Variants in GRIN2A observed in about 807,000 individuals in gnomAD.
The protein encoded by GRIN2A is glutamate ionotropic receptor NMDA type subunit 2A.
A neutral mutation model predicts 113.4 loss-of-function variants in GRIN2A; 22 were observed. The observed-to-expected ratio is 0.19, with a 90% CI of 0.14 to 0.28. The LOEUF (loss-of-function observed/expected upper bound fraction) is 0.28. GRIN2A is among the 10% of genes least tolerant of loss of function. GRIN2A has a pLI of 1.00. For missense variants in GRIN2A, 1,502 were observed against 1,887.0 expected (o/e 0.80, Z 3.78); for synonymous variants, 827 against 738.4 (o/e 1.12, Z -1.94).
chr16:10,015,772 C>T (rs764153529), intron 2 of GRIN2A, among the ~76,000 whole-genome samples: 1 of 152,130 alleles, frequency 6.6e-6, no homozygotes, highest in Non-Finnish European at 1.5e-5. Context: ...ACAACTCAGC[C>T]CCTGCAATGA....
At chr16:9,854,662 T>G (rs2042938295) in intron 4 of GRIN2A, among the ~76,000 whole-genome samples, 1 of 152,094 alleles carries the variant, frequency 6.6e-6, no homozygotes, top group Non-Finnish European at 1.5e-5. Flanking sequence ...TTTTTCCTGT[T>G]CCCAATCCTC....
intron 2 of GRIN2A, among the ~76,000 whole-genome samples, chr16:10,096,260 C>G (rs2048286898): frequency 6.6e-6 from 1 of 152,116 alleles, no homozygotes; most frequent in Non-Finnish European, 1.5e-5. Flanking sequence ...TAGTGACATT[C>G]TGACATTCTC....
At chr16:10,126,840 A>G (rs117863775) in intron 2 of GRIN2A, among the ~76,000 whole-genome samples, 2,200 of 152,260 alleles carry the variant, frequency 0.014, 26 homozygotes, top group Middle Eastern at 0.02. Context: ...TGTCTCAGAA[A>G]TCCTTCTGCT....
chr16:10,143,803 A>G (rs1666863), intron 2 of GRIN2A, among the ~76,000 whole-genome samples: 143,663 of 151,766 alleles, frequency 0.95, 68,379 homozygotes, highest in East Asian at 1. Context: ...CATCTCTACT[A>G]AAAAACACAA....
At chr16:10,117,834 G>A (rs551095319) in intron 2 of GRIN2A, among the ~76,000 whole-genome samples, 5 of 152,302 alleles carry the variant, frequency 3.3e-5, no homozygotes, top group South Asian at 2.1e-4. Flanking sequence ...GAAATATAGT[G>A]GACATAGAAT....
chr16:9,904,456 C>T (rs1157407860), intron 3 of GRIN2A, among the ~76,000 whole-genome samples: 2 of 152,176 alleles, frequency 1.3e-5, no homozygotes, highest in African/African-American at 2.4e-5. Context: ...ACTGCAACCT[C>T]CACCTCCCGG....
intron 2 of GRIN2A, among the ~76,000 whole-genome samples, chr16:10,158,644 T>A (rs1249476282): frequency 6.6e-6 from 1 of 152,146 alleles, no homozygotes; most frequent in African/African-American, 2.4e-5. Context: ...TTGAAAACAT[T>A]ATGCTAAGTG....
Position 9,764,028 on chromosome 16 carries a change from C to A in GRIN2A, c.3516G>T (p.Leu1172Phe), listed in dbSNP as rs746944419. The part of the protein sequence containing the change: ...DSTLPMNRNP[L>F]HNEEGLSNND... ...TGTTGGAAAGCCCCTCTTCATTATG[C>A]AAGGGGTTCCGGTTCATTGGCAGCG... The change falls in exon 13 of 13, where the codon TTG becomes TTT. Residue 1172 changes from leucine to phenylalanine, a missense_variant. Physicochemically the swap from Leu to Phe is conservative, Grantham distance 22. Around this residue, in one of 7 missense-constraint regions of GRIN2A, gnomAD observed 832 missense variants for 789.7 expected, o/e 1.05. Coordinates refer to ENST00000330684, the MANE Select transcript of GRIN2A (RefSeq NM_001134407.3). The A allele has an allele frequency of 6.2e-7, 1 of 1,614,078 alleles. No individual in the cohort carries two copies. The highest frequency in any genetic ancestry group is 2.2e-5 in the East Asian group (1 of 44,860).
At chr16:10,168,630 C>T (rs546464270) in intron 2 of GRIN2A, among the ~76,000 whole-genome samples, 2 of 152,240 alleles carry the variant, frequency 1.3e-5, no homozygotes, top group African/African-American at 4.8e-5. Flanking sequence ...GACCTAATTG[C>T]CGAAGCTTAT....
At chr16:9,930,466 C>G (rs546898367) in intron 3 of GRIN2A, among the ~76,000 whole-genome samples, 1 of 152,214 alleles carries the variant, frequency 6.6e-6, no homozygotes, top group African/African-American at 2.4e-5. Context: ...TCTGGATTCT[C>G]TCACCTCGTA....
At chr16:9,995,541 G>A (rs568953067) in intron 2 of GRIN2A, among the ~76,000 whole-genome samples, 3 of 152,100 alleles carry the variant, frequency 2.0e-5, no homozygotes, top group Non-Finnish European at 4.4e-5. Context: ...TTCCAAGGAG[G>A]GCTTGGGTAC....
At chr16:9,843,204 TC>T (rs535028911) in intron 5 of GRIN2A, among the ~76,000 whole-genome samples, 26 of 151,556 alleles carry the variant, frequency 1.7e-4, no homozygotes, top group African/African-American at 6.1e-4. Context: ...TTAGGGTTTT[TC>T]CCCAAATTAT....
chr16:9,815,102 C>T (rs2042161025), intron 10 of GRIN2A, among the ~76,000 whole-genome samples: 1 of 151,518 alleles, frequency 6.6e-6, no homozygotes, highest in African/African-American at 2.4e-5. Flanking sequence ...ATTCAGTGCT[C>T]ATTTGTTTTT....
In GRIN2A at chr16:9,758,595, G is replaced by C. The variant is rs751582897; in HGVS notation, c.*4554C>G. 9.6e-6 allele frequency: 2 copies of C among 209,268 alleles called. No individual in the cohort carries two copies. The highest frequency in any genetic ancestry group is 1.9e-5 in the Non-Finnish European group (2 of 102,938). 13.0% of individuals were successfully genotyped at this position (209,268 alleles called of 1,614,324 possible). A position where few individuals can be genotyped will look rare whatever the true frequency, so the allele number is the denominator to read the frequency against. On this transcript the variant is annotated 3_prime_UTR_variant, in exon 13 of 13. Transcript: ENST00000330684. ...AATTTTATTTGGATAATACACTTAC[G>C]TGTGAATTGTAGAAATCAAGCATGT...
intron 2 of GRIN2A, among the ~76,000 whole-genome samples, chr16:9,960,363 G>T (rs1284910055): frequency 2.0e-5 from 3 of 152,162 alleles, no homozygotes; most frequent in African/African-American, 4.8e-5. Flanking sequence ...AATGCAAAAA[G>T]ATAATACACC....
At chr16:10,151,861 G>T (rs1441656176) in intron 2 of GRIN2A, among the ~76,000 whole-genome samples, 1 of 152,200 alleles carries the variant, frequency 6.6e-6, no homozygotes, top group African/African-American at 2.4e-5. Flanking sequence ...CCCAGCCTCT[G>T]TCTGACCTCC....
intron 2 of GRIN2A, among the ~76,000 whole-genome samples, chr16:10,034,405 G>GT (rs1387607976): frequency 4.6e-5 from 7 of 151,738 alleles, no homozygotes; most frequent in African/African-American, 1.7e-4. Context: ...CATGCCTATA[G>GT]TCCCTGCTAC....
chr16:10,094,652 G>A (rs1056921288), intron 2 of GRIN2A, among the ~76,000 whole-genome samples: 14 of 151,892 alleles, frequency 9.2e-5, no homozygotes, highest in Non-Finnish European at 1.2e-4. Flanking sequence ...GTTTCACCAC[G>A]TTGGCCAGGC....
intron 3 of GRIN2A, among the ~76,000 whole-genome samples, chr16:9,934,678 TAAAAAAAAAAA>T (rs33916243): frequency 9.8e-5 from 5 of 50,942 alleles, no homozygotes; most frequent in South Asian, 9.3e-4. Flanking sequence ...AGACTCTGTC[TAAAAAAAAAAA>T]AAAAAAAAAA....
Sources: allele counts gnomAD v4.1 joint callset (sites outside exome capture counted in the v4.1 genomes callset), GRCh38; gene constraint gnomAD v4.1.1; regional missense constraint gnomAD v4.1.1; transcripts MANE v1.5; gene names NCBI Gene and HGNC (gene_info 2026-07-23, HGNC 2026-07-21).